Variants in MLIP observed in about 807,000 individuals in gnomAD.
MLIP encodes the protein muscular LMNA-interacting protein.
In MLIP, 79 loss-of-function variants were observed where a neutral mutation model predicts 84.8. The ratio of observed to expected loss-of-function variants is 0.93; its 90% CI spans 0.78 to 1.12. The LOEUF (loss-of-function observed/expected upper bound fraction) is 1.12. MLIP is among the 50% of genes most tolerant of loss of function. The pLI is 0.00. For missense variants in MLIP, 1,257 were observed against 1,160.6 expected, an observed-to-expected ratio of 1.08 and a Z score of -1.21; for synonymous variants, 504 against 463.0, an observed-to-expected ratio of 1.09 and a Z score of -1.14.
intron 9 of MLIP, among the ~76,000 whole-genome samples, chr6:54,188,940 G>A (rs1286200097): frequency 6.6e-6 from 1 of 152,142 alleles, no homozygotes; most frequent in East Asian, 1.9e-4. Context: ...CAGAGTCTGT[G>A]GGACAGCATC....
intron 13 of MLIP, among the ~76,000 whole-genome samples, chr6:54,258,579 A>C (rs939990238): frequency 1.3e-5 from 2 of 151,960 alleles, no homozygotes; most frequent in African/African-American, 4.8e-5. Flanking sequence ...AAATTGTAGT[A>C]ATTTACCACA....
chr6:54,034,784 T>C (rs1400194950), intron 1 of MLIP, among the ~76,000 whole-genome samples: 1 of 152,168 alleles, frequency 6.6e-6, no homozygotes, highest in East Asian at 1.9e-4. Context: ...GCACAGTGTT[T>C]ATAAAGTCTA....
intron 10 of MLIP, among the ~76,000 whole-genome samples, chr6:54,190,808 T>C (rs1441174057): frequency 6.6e-6 from 1 of 151,228 alleles, no homozygotes; most frequent in East Asian, 1.9e-4. Context: ...TTTTTTTTTT[T>C]TTTTTGAGAC....
At chr6:54,163,804 GATTT>G (rs1279810403) in intron 8 of MLIP, among the ~76,000 whole-genome samples, 1 of 151,726 alleles carries the variant, frequency 6.6e-6, no homozygotes, top group East Asian at 1.9e-4. Flanking sequence ...CTTTTTCCTG[GATTT>G]ATTGTTTTTC....
chr6:54,082,185 A>C (rs1288635872), intron 1 of MLIP, among the ~76,000 whole-genome samples: 1 of 152,108 alleles, frequency 6.6e-6, no homozygotes, highest in East Asian at 1.9e-4. Context: ...TAGGTAATTT[A>C]TTTCTTTGTA....
chr6:54,160,815 A>G lies in MLIP; in HGVS notation c.2499+16A>G. 1 of 1,595,630 alleles carries G rather than the reference A, an allele frequency of 6.3e-7. No homozygotes were observed. The highest frequency in any genetic ancestry group is 1.7e-5 in the Admixed American group (1 of 59,112). ...CACAGTCAAAGTATGTATGTATTTA[A>G]TATAATTTATGGAACCATAAGATTT... On this transcript the variant is annotated intron_variant, in intron 8 of 13. Transcript: ENST00000502396.
intron 1 of MLIP, among the ~76,000 whole-genome samples, chr6:54,038,380 G>A (rs1179479063): frequency 6.6e-6 from 1 of 151,834 alleles, no homozygotes; most frequent in East Asian, 1.9e-4. Context: ...TGTCTGTGAC[G>A]AGGTTTTACT....
At chr6:54,150,202 A>T (rs548656522) in intron 5 of MLIP, among the ~76,000 whole-genome samples, 36 of 152,314 alleles carry the variant, frequency 2.4e-4, no homozygotes, top group Middle Eastern at 3.4e-3. Context: ...TTAATTCCAC[A>T]TTATACACAG....
intron 1 of MLIP, among the ~76,000 whole-genome samples, chr6:54,068,066 T>TCCTTCCTTCCTTCCTTCCTG (rs1561905222): frequency 1.1e-4 from 8 of 72,892 alleles, no homozygotes; most frequent in African/African-American, 2.5e-4. Context: ...CTTCCTTCCT[T>TCCTTCCTTCCTTCCTTCCTG]CCTTCCTTCC....
At chr6:54,219,192 G>T (rs138654076) in intron 11 of MLIP, among the ~76,000 whole-genome samples, 101 of 151,334 alleles carry the variant, frequency 6.7e-4, no homozygotes, top group African/African-American at 2.1e-3. Context: ...GGGACAGAGC[G>T]AGACTCCGTC....
intron 13 of MLIP, among the ~76,000 whole-genome samples, chr6:54,258,771 G>A (rs961670903): frequency 6.6e-6 from 1 of 151,922 alleles, no homozygotes; most frequent in African/African-American, 2.4e-5. Context: ...TAGAGATGAG[G>A]AAACTAAAGC....
At chr6:54,234,082 A>C (rs1366066833) in intron 12 of MLIP, among the ~76,000 whole-genome samples, 1 of 152,082 alleles carries the variant, frequency 6.6e-6, no homozygotes, top group Non-Finnish European at 1.5e-5. Flanking sequence ...AGTTCCTTGT[A>C]GATTCTGGAT....
intron 9 of MLIP, among the ~76,000 whole-genome samples, chr6:54,180,421 C>T (rs1270188461): frequency 6.6e-6 from 1 of 152,094 alleles, no homozygotes; most frequent in Non-Finnish European, 1.5e-5. Flanking sequence ...CTCCTATCTC[C>T]TACCTTTGTT....
intron 12 of MLIP, among the ~76,000 whole-genome samples, chr6:54,256,162 A>G (rs980635667): frequency 1.3e-5 from 2 of 152,158 alleles, no homozygotes; most frequent in Non-Finnish European, 2.9e-5. Context: ...TATAGTTGGG[A>G]ACAGAGTGTA....
At chr6:54,032,946 A>G (rs1279542974) in intron 1 of MLIP, among the ~76,000 whole-genome samples, 2 of 152,182 alleles carry the variant, frequency 1.3e-5, no homozygotes, top group Admixed American at 6.5e-5. Context: ...CATTTTTCTT[A>G]TTACTCAGAT....
chr6:54,253,030 C>T (rs1326126145), intron 12 of MLIP, among the ~76,000 whole-genome samples: 1 of 152,050 alleles, frequency 6.6e-6, no homozygotes, highest in Non-Finnish European at 1.5e-5. Context: ...TTCTTCCTTT[C>T]TTTTATTAAT....
In MLIP at chr6:54,257,334, T is replaced by C. The variant is rs749753274; in HGVS notation, c.2949T>C (p.Pro983=). The change falls in exon 13 of 14, where the codon CCT becomes CCC. Residue 983 remains proline, a synonymous_variant. Transcript: ENST00000502396. ...TGAGTCATCCAATGGTGGCTATTCC[T>C]GAACATGAAGCTCTTGATTCCAAAG... ...NKLSHPMVAI[P]EHEALDSKEQ 5.0e-6 allele frequency: 8 copies of C among 1,612,676 alleles called. No individual in the cohort carries two copies. Among genetic ancestry groups the C allele is most frequent in the Middle Eastern group, 1.7e-4 (1 of 6,046 alleles).
rs536383818 is a variant in MLIP, at chr6:54,083,615, CTG to C, written c.64-37829_64-37828del. The C allele has an allele frequency of 1.6e-4, 241 of 1,535,968 alleles. 4 individuals are homozygous for C. The South Asian group carries it at 2.6e-3, about 17-fold the overall frequency. On this transcript the variant is annotated intron_variant, in intron 1 of 12. Coordinates refer to the MLIP transcript ENST00000274897. ...AGCTGGTACCTTGGATTTGAATGTTCTGTGAGTTCTATGACATTATTAGTACA... is the reference window on the plus strand; with the variant it reads ...AGCTGGTACCTTGGATTTGAATGTTCTGAGTTCTATGACATTATTAGTACA...
chr6:54,265,031 A>T (rs764862031), intron 13 of MLIP, among the ~76,000 whole-genome samples: 4 of 152,030 alleles, frequency 2.6e-5, no homozygotes, highest in African/African-American at 4.8e-5. Context: ...TCACCTCATG[A>T]TCTGGCTGAG....
Sources: allele counts gnomAD v4.1 joint callset (sites outside exome capture counted in the v4.1 genomes callset), GRCh38; gene constraint gnomAD v4.1.1; transcripts MANE v1.5; gene names NCBI Gene and HGNC (gene_info 2026-07-23, HGNC 2026-07-21).